Variants in PDGFB observed in about 807,000 individuals in gnomAD.
The protein encoded by PDGFB is platelet-derived growth factor subunit B.
Under a neutral mutation model 29.0 loss-of-function variants are expected in PDGFB, and 6 were observed. The ratio of observed to expected loss-of-function variants is 0.21; its 90% CI spans 0.11 to 0.41. The LOEUF is 0.41. Ranked by LOEUF, PDGFB falls within the 10% of genes least tolerant of loss-of-function variation. The probability of loss-of-function intolerance (pLI) is 1.00; values close to 1 mark genes in which losing one functional copy is unlikely to be tolerated. For missense variants in PDGFB, 299 were observed against 341.8 expected (o/e 0.87, Z 0.99); for synonymous variants, 144 against 140.8 (o/e 1.02, Z -0.16).
intron 2 of PDGFB, 61 bp downstream of exon 2, chr22:39,235,717 C>A (rs533016567): frequency 1.7e-6 from 2 of 1,195,540 alleles, no homozygotes; most frequent in South Asian, 2.5e-5. Flanking sequence ...CTGTCCTGCC[C>A]CTCCCAGATC....
chr22:39,229,255 C>T (rs12159029), intron 5 of PDGFB, among the ~76,000 whole-genome samples: 12 of 152,174 alleles, frequency 7.9e-5, no homozygotes, highest in African/African-American at 2.9e-4. Context: ...GGTGCCATCA[C>T]GGCTCACTGT....
chr22:39,225,622 C>T, intron 6 of PDGFB, 73 bp downstream of exon 6: 1 of 1,413,618 alleles, frequency 7.1e-7, no homozygotes, highest in South Asian at 1.3e-5. Context: ...AATCCTTTCC[C>T]CTGACCCCAT....
chr22:39,239,433 G>C (rs993978012), intron 1 of PDGFB, among the ~76,000 whole-genome samples: 1 of 152,184 alleles, frequency 6.6e-6, no homozygotes, highest in African/African-American at 2.4e-5. Context: ...CACTCAGCAC[G>C]TGCTCAGCTC....
At chr22:39,235,227 G>T (rs983790326) in intron 2 of PDGFB, among the ~76,000 whole-genome samples, 1 of 152,228 alleles carries the variant, frequency 6.6e-6, no homozygotes, top group South Asian at 2.1e-4. Context: ...ACAGGCCAGA[G>T]GTTAGAATAG....
At chr22:39,233,168 T>C (rs1601598606) in intron 3 of PDGFB, among the ~76,000 whole-genome samples, 1 of 152,192 alleles carries the variant, frequency 6.6e-6, no homozygotes, top group South Asian at 2.1e-4. Flanking sequence ...GGGTTAATAA[T>C]ATCTACCTCC....
rs770065392 is a variant in PDGFB, at chr22:39,231,799, C to T, written c.279G>A (p.Met93Ile). 2 of 1,613,598 alleles carry T rather than the reference C, an allele frequency of 1.2e-6. No homozygotes were observed. Among genetic ancestry groups the T allele is most frequent in the East Asian group, 2.2e-5 (1 of 44,876 alleles). Reference sequence around the variant, plus strand: ...CGGTGCGCGTCTTGCACTCGGCGATCATGGCCGGCTCAGCAATGGTCAGGG... The same window carrying T: ...CGGTGCGCGTCTTGCACTCGGCGATTATGGCCGGCTCAGCAATGGTCAGGG... ...LGSLTIAEPAMIAECKTRTEV... is the reference protein window; with the variant it reads ...LGSLTIAEPAIIAECKTRTEV... Residue 93 changes from methionine (M) to isoleucine (I), a missense_variant, in exon 4 of 7, where the codon ATG becomes ATA. By Grantham distance (10) the Met-to-Ile change is conservative. Transcript: ENST00000331163. The surrounding 1 kb of genome is among the most constrained non-coding windows in gnomAD (Gnocchi z 4.3).
In PDGFB at chr22:39,243,886, G is replaced by A. The variant is rs994499562; in HGVS notation, c.63+15C>T. ...AATGAATGAAGAACCAGCCCCAGCC[G>A]CCGTGGCAACTCACCTCGGCGCTGA... On this transcript the variant is annotated intron_variant, in intron 1 of 6. Coordinates refer to ENST00000331163, the MANE Select transcript of PDGFB (RefSeq NM_002608.4). This position sits in a 1 kb window ranked among gnomAD's most constrained non-coding sequence, Gnocchi z 6.4. 2 of 1,593,178 alleles carry A rather than the reference G, an allele frequency of 1.3e-6. No homozygotes were observed. Among genetic ancestry groups the A allele is most frequent in the African/African-American group, 1.4e-5 (1 of 73,912 alleles).
At chr22:39,225,906 A>C in intron 5 of PDGFB, 59 bp from the exon 6 acceptor site, 1 of 1,560,082 alleles carries the variant, frequency 6.4e-7, no homozygotes, top group South Asian at 1.2e-5. Context: ...GTCTCTCCCC[A>C]CTGACCAAGG....
At chr22:39,233,993 G>A (rs538043983) in intron 2 of PDGFB, among the ~76,000 whole-genome samples, 13 of 147,794 alleles carry the variant, frequency 8.8e-5, no homozygotes, top group South Asian at 6.7e-4. Context: ...CAATGGCCGC[G>A]CTGGGCAGGC....
rs1249218331 is a variant in PDGFB at position 39,231,586 on chromosome 22, C to T, written c.456+36G>A. On this transcript the variant is annotated intron_variant, in intron 4 of 6. Coordinates refer to ENST00000331163, the MANE Select transcript of PDGFB (RefSeq NM_002608.4). This position sits in a 1 kb window ranked among gnomAD's most constrained non-coding sequence, Gnocchi z 4.3. ...CAGAAGGGTGGTCTCCACCCACCACCGGGACCAGCCTCGGGGGGCCGCGGA... is the reference window on the plus strand; with the variant it reads ...CAGAAGGGTGGTCTCCACCCACCACTGGGACCAGCCTCGGGGGGCCGCGGA... 20 of 1,482,838 alleles carry T rather than the reference C, an allele frequency of 1.3e-5. No homozygotes were observed. Among genetic ancestry groups the T allele is most frequent in the Non-Finnish European group, 1.7e-5 (19 of 1,104,716 alleles). 91.9% of individuals were successfully genotyped at this position (1,482,838 alleles called of 1,614,324 possible).
chr22:39,230,313 C>G (rs953612861), intron 4 of PDGFB, 85 bp from the exon 5 acceptor site: 1 of 1,376,998 alleles, frequency 7.3e-7, no homozygotes, highest in African/African-American at 1.4e-5. Context: ...CTTCCCACCC[C>G]GGTGTCCCCT....
chr22:39,243,875 C>T lies in PDGFB; in HGVS notation c.63+26G>A. The T allele has an allele frequency of 6.3e-7, 1 of 1,587,028 alleles. No individual in the cohort carries two copies. The highest frequency in any genetic ancestry group is 8.6e-7 in the Non-Finnish European group (1 of 1,164,334). ...GGGGCGAAGGTAATGAATGAAGAAC[C>T]AGCCCCAGCCGCCGTGGCAACTCAC... is the stretch of plus-strand genomic sequence containing the variant. On this transcript the variant is annotated intron_variant, in intron 1 of 6. Coordinates refer to ENST00000331163, the MANE Select transcript of PDGFB (RefSeq NM_002608.4). The surrounding 1 kb of genome is among the most constrained non-coding windows in gnomAD (Gnocchi z 6.4).
chr22:39,235,746 G>A, intron 2 of PDGFB, 32 bp downstream of exon 2: 1 of 1,501,902 alleles, frequency 6.7e-7, no homozygotes, highest in Non-Finnish European at 9.3e-7. Flanking sequence ...TCTCCTCGGA[G>A]GGCCGGAGCG....
intron 2 of PDGFB, among the ~76,000 whole-genome samples, chr22:39,235,444 A>G (rs1932418388): frequency 1.3e-5 from 2 of 152,110 alleles, no homozygotes; most frequent in Non-Finnish European, 2.9e-5. Context: ...TGACTCCTCC[A>G]GTGCCACCCT....
chr22:39,230,234 G>A lies in PDGFB; in HGVS notation c.457-6C>T. 2 of 1,613,522 alleles carry A rather than the reference G, an allele frequency of 1.2e-6. No individual in the cohort carries two copies. Among genetic ancestry groups the A allele is most frequent in the Non-Finnish European group, 1.7e-6 (2 of 1,180,024 alleles). ...ACAATCTCGATCTTTCTCACCTGGA[G>A]GACAGAGCCACAAAATGCCTCTGTA... On this transcript the variant is annotated splice_polypyrimidine_tract_variant and splice_region_variant and intron_variant, in intron 4 of 6. Transcript: ENST00000331163.
Position 39,240,908 on chromosome 22 carries a change from C to G in PDGFB, c.63+2993G>C, listed in dbSNP as rs369280265. 3.1e-5 allele frequency: 50 copies of G among 1,598,178 alleles called. No individual in the cohort carries two copies. The African/African-American group carries it at 6.5e-4, about 21-fold the overall frequency. ...CTGCTCAGTCAGTCTCTCTCTCTCTCTCTCTCAGATGCGCACACACACACA... is the reference window on the plus strand; with the variant it reads ...CTGCTCAGTCAGTCTCTCTCTCTCTGTCTCTCAGATGCGCACACACACACA... On this transcript the variant is annotated intron_variant, in intron 1 of 6. Transcript: ENST00000331163.
At position 39,231,538 on chromosome 22, in the gene PDGFB, G is replaced by A. The variant is rs991911507; in HGVS notation, c.456+84C>T. On this transcript the variant is annotated intron_variant, in intron 4 of 6. Coordinates refer to ENST00000331163, the MANE Select transcript of PDGFB (RefSeq NM_002608.4). This position sits in a 1 kb window ranked among gnomAD's most constrained non-coding sequence, Gnocchi z 4.3. ...CGACACACCACTCTGCCCAGTCAAGGAAGCCTGGTCAGGTATGAGCCCCAG... is the reference window on the plus strand; with the variant it reads ...CGACACACCACTCTGCCCAGTCAAGAAAGCCTGGTCAGGTATGAGCCCCAG... 1 of 1,027,794 alleles carries A rather than the reference G, an allele frequency of 9.7e-7. No individual in the cohort carries two copies. The highest frequency in any genetic ancestry group is 1.4e-6 in the Non-Finnish European group (1 of 716,128). The allele number at this position is 1,027,794 out of a possible 1,614,324, so 63.7% of individuals were successfully genotyped here. A position where few individuals can be genotyped will look rare whatever the true frequency, so the allele number is the denominator to read the frequency against.
intron 5 of PDGFB, among the ~76,000 whole-genome samples, chr22:39,226,828 G>A (rs1478958263): frequency 6.6e-6 from 1 of 152,220 alleles, no homozygotes; most frequent in Non-Finnish European, 1.5e-5. Context: ...GCCACTCTGA[G>A]AAATGGTAGA....
At chr22:39,236,937 T>A (rs1932458485) in intron 1 of PDGFB, among the ~76,000 whole-genome samples, 1 of 152,134 alleles carries the variant, frequency 6.6e-6, no homozygotes, top group Admixed American at 6.5e-5. Context: ...TCAATAGGCT[T>A]GGCACATTAC....
Sources: gnomAD v4.1 joint callset for allele counts (sites outside exome capture counted in the v4.1 genomes callset) on GRCh38, gnomAD v4.1.1 for gene constraint, Gnocchi (gnomAD v3.1) non-coding constraint, MANE v1.5 for transcripts, NCBI Gene and HGNC (gene_info 2026-07-23, HGNC 2026-07-21) for gene names.